The following AGAP1 variants were observed in gnomAD, a reference collection of about 807,000 sequenced individuals.
AGAP1 encodes the protein arf-GAP with GTPase, ANK repeat and PH domain-containing protein 1.
In AGAP1, 29 loss-of-function variants were observed where a neutral mutation model predicts 105.3. The ratio of observed to expected loss-of-function variants is 0.28; its 90% CI spans 0.21 to 0.38. The LOEUF (loss-of-function observed/expected upper bound fraction) is 0.38. Ranked by LOEUF, AGAP1 falls within the 10% of genes least tolerant of loss-of-function variation. The pLI is 1.00. For synonymous variants in AGAP1, 509 were observed against 485.9 expected, an observed-to-expected ratio of 1.05 and a Z score of -0.63; for missense variants, 998 against 1,165.1, an observed-to-expected ratio of 0.86 and a Z score of 2.09.
chr2:235,557,021 C>T lies in AGAP1; in HGVS notation c.163+62172C>T, dbSNP rs1240286745. ...TCAGGGCTTTCTGGAGGTTGGGGGG[C>T]GGATCCCGAAGGCAGACTTGGCCTT... On this transcript the variant is annotated intron_variant, in intron 1 of 17. Transcript: ENST00000304032. The surrounding 1 kb of genome is among the most constrained non-coding windows in gnomAD (Gnocchi z 4.7). 2.0e-5 allele frequency among the ~76,000 whole-genome samples: 3 copies of T among 152,116 alleles called. No individual in the cohort carries two copies. Among genetic ancestry groups the T allele is most frequent in the Admixed American group, 6.5e-5 (1 of 15,282 alleles).
In AGAP1 at chr2:235,792,221, A is replaced by G. The variant is rs541987886; in HGVS notation, c.674-5538A>G. 7.9e-5 allele frequency among the ~76,000 whole-genome samples: 12 copies of G among 152,158 alleles called. No homozygotes were observed. Among genetic ancestry groups the G allele is most frequent in the African/African-American group, 2.9e-4 (12 of 41,520 alleles). ...AGTTGTCATCTAATGGTGGCTCTTC[A>G]GTGTCACTGCAATCTATACGCTTTC... On this transcript the variant is annotated intron_variant, in intron 6 of 17. Transcript: ENST00000304032. The surrounding 1 kb of genome is among the most constrained non-coding windows in gnomAD (Gnocchi z 5.3).
At chr2:235,699,069 T>TCCC (rs5839607) in intron 1 of AGAP1, among the ~76,000 whole-genome samples, 14 of 140,392 alleles carry the variant, frequency 1.0e-4, no homozygotes, top group East Asian at 2.1e-4. Flanking sequence ...GCATCAGACA[T>TCCC]CCCCCCCCCC....
At chr2:235,687,899 C>CTTT (rs10670064) in intron 1 of AGAP1, among the ~76,000 whole-genome samples, 1,786 of 89,628 alleles carry the variant, frequency 0.02, 235 homozygotes, top group African/African-American at 0.05. Context: ...CGCTCTCTGA[C>CTTT]TTTTTTTTTT....
chr2:235,661,159 G>A (rs1051266347), intron 1 of AGAP1, among the ~76,000 whole-genome samples: 1 of 152,160 alleles, frequency 6.6e-6, no homozygotes, highest in African/African-American at 2.4e-5. Context: ...AGATGAAGAG[G>A]CTGTGAACAG....
At chr2:235,731,836 ACGCAGG>A (rs1373286892) in intron 3 of AGAP1, among the ~76,000 whole-genome samples, 1 of 152,086 alleles carries the variant, frequency 6.6e-6, no homozygotes, top group Non-Finnish European at 1.5e-5. Flanking sequence ...ACGTCAAAAA[ACGCAGG>A]CTCTAAGGAA....
chr2:235,896,513 A>G (rs1239061249), intron 10 of AGAP1, among the ~76,000 whole-genome samples: 1 of 152,218 alleles, frequency 6.6e-6, no homozygotes, highest in Non-Finnish European at 1.5e-5. Flanking sequence ...CACTCTGGTC[A>G]TGGTACATTT....
rs1031258098 is a variant in AGAP1, at chr2:235,574,748, C to A, written c.163+79899C>A. Among the ~76,000 whole-genome samples the A allele has an allele frequency of 6.6e-6, 1 of 152,020 alleles. No individual in the cohort carries two copies. Among genetic ancestry groups the A allele is most frequent in the Non-Finnish European group, 1.5e-5 (1 of 68,008 alleles). On this transcript the variant is annotated intron_variant, in intron 1 of 17. Coordinates refer to ENST00000304032, the MANE Select transcript of AGAP1 (RefSeq NM_001037131.3). The surrounding 1 kb of genome is among the most constrained non-coding windows in gnomAD (Gnocchi z 5.0). ...ACCAAGTACACCAGGAGGGAATGAACGAGAAAAATAAAAGAAAGAAAATCA... is the reference window on the plus strand; with the variant it reads ...ACCAAGTACACCAGGAGGGAATGAAAGAGAAAAATAAAAGAAAGAAAATCA...
In AGAP1 at chr2:235,612,358, A is replaced by G. The variant is rs1220294400; in HGVS notation, c.164-96821A>G. ...CTCAGATGCCCCTTGGTTGCATTTA[A>G]TGTGTGTGCATAATCAGAGGGCAAG... is the stretch of plus-strand genomic sequence containing the variant. On this transcript the variant is annotated intron_variant, in intron 1 of 17. Transcript: ENST00000304032. This position sits in a 1 kb window ranked among gnomAD's most constrained non-coding sequence, Gnocchi z 4.3. 2.6e-5 allele frequency among the ~76,000 whole-genome samples: 4 copies of G among 152,118 alleles called. No homozygotes were observed. Among genetic ancestry groups the G allele is most frequent in the African/African-American group, 9.7e-5 (4 of 41,434 alleles).
intron 9 of AGAP1, among the ~76,000 whole-genome samples, chr2:235,828,926 G>A (rs1367850490): frequency 1.3e-5 from 2 of 152,342 alleles, no homozygotes; most frequent in East Asian, 1.9e-4. Flanking sequence ...GCTCTCAGAC[G>A]CAGCCTGTCC....
At chr2:235,922,784 T>C (rs2052244579) in intron 11 of AGAP1, among the ~76,000 whole-genome samples, 1 of 152,258 alleles carries the variant, frequency 6.6e-6, no homozygotes, top group South Asian at 2.1e-4. Flanking sequence ...TCAGGCAACA[T>C]ACTGATATTC....
chr2:236,028,373 T>C (rs541855878), intron 13 of AGAP1, among the ~76,000 whole-genome samples: 1 of 152,302 alleles, frequency 6.6e-6, no homozygotes, highest in Non-Finnish European at 1.5e-5. Context: ...TGCCACCTCT[T>C]CTGAGTGGCT....
rs1029678623 is a variant in AGAP1 at position 236,089,539 on chromosome 2, G to A, written c.2115-30653G>A. On this transcript the variant is annotated intron_variant, in intron 16 of 17. Coordinates refer to ENST00000304032, the MANE Select transcript of AGAP1 (RefSeq NM_001037131.3). This position sits in a 1 kb window ranked among gnomAD's most constrained non-coding sequence, Gnocchi z 5.6. ...TTGCCGTTGATGAGACCCAAAGTCT[G>A]GAACGAATCTGGTTCCATATAGAGT... Among the ~76,000 whole-genome samples, 3 of 152,216 alleles carry A rather than the reference G, an allele frequency of 2.0e-5. No homozygotes were observed. Among genetic ancestry groups the A allele is most frequent in the Non-Finnish European group, 4.4e-5 (3 of 68,040 alleles).
intron 1 of AGAP1, among the ~76,000 whole-genome samples, chr2:235,644,466 G>A (rs1947306790): frequency 6.6e-6 from 1 of 152,068 alleles, no homozygotes; most frequent in African/African-American, 2.4e-5. Flanking sequence ...ACAGAGGATC[G>A]CCCCCGTTTA....
Position 236,046,002 on chromosome 2 carries a change from AC to A in AGAP1, c.1892-3055del. ...CATGAATGTCGTCCTTCAGATCTGG[AC>A]CTGACAGCCTGGGAGCTGCTGGGGG... On this transcript the variant is annotated intron_variant, in intron 15 of 17. Transcript: ENST00000304032. This position sits in a 1 kb window ranked among gnomAD's most constrained non-coding sequence, Gnocchi z 5.2. The A allele has an allele frequency of 2.1e-6, 1 of 471,512 alleles. No homozygotes were observed. Among genetic ancestry groups the A allele is most frequent in the South Asian group, 1.5e-5 (1 of 64,548 alleles). 29.2% of individuals were successfully genotyped at this position (471,512 alleles called of 1,614,324 possible).
chr2:236,075,475 G>T (rs958042654), intron 16 of AGAP1, among the ~76,000 whole-genome samples: 1 of 152,168 alleles, frequency 6.6e-6, no homozygotes, highest in Non-Finnish European at 1.5e-5. Context: ...CTTGGACATC[G>T]TAATAGTGAA....
chr2:235,549,595 C>T lies in AGAP1; in HGVS notation c.163+54746C>T, dbSNP rs549637860. ...GCGTGCCTGTGGGCAGCTTTTGTTC[C>T]TTTGGATTACTTTTGTTTCTTTAAA... On this transcript the variant is annotated intron_variant, in intron 1 of 17. Transcript: ENST00000304032. This position sits in a 1 kb window ranked among gnomAD's most constrained non-coding sequence, Gnocchi z 4.2. Among the ~76,000 whole-genome samples the T allele has an allele frequency of 6.6e-6, 1 of 152,250 alleles. No individual in the cohort carries two copies. Among genetic ancestry groups the T allele is most frequent in the Non-Finnish European group, 1.5e-5 (1 of 68,016 alleles).
At chr2:236,019,256 G>A (rs1232573751) in intron 13 of AGAP1, among the ~76,000 whole-genome samples, 1 of 152,168 alleles carries the variant, frequency 6.6e-6, no homozygotes, top group African/African-American at 2.4e-5. Flanking sequence ...CTGGGTGCTG[G>A]GGCAATGGAG....
At chr2:235,567,649 G>A (rs1460412122) in intron 1 of AGAP1, among the ~76,000 whole-genome samples, 1 of 151,964 alleles carries the variant, frequency 6.6e-6, no homozygotes, top group Non-Finnish European at 1.5e-5. Flanking sequence ...CTGTGGGACT[G>A]GTGGACTATT....
chr2:235,950,574 G>A (rs2053690218), intron 12 of AGAP1, among the ~76,000 whole-genome samples: 1 of 151,860 alleles, frequency 6.6e-6, no homozygotes. Context: ...CTCACCCCAG[G>A]GGATGAAGGC....
Sources: gnomAD v4.1 joint callset for allele counts (sites outside exome capture counted in the v4.1 genomes callset) on GRCh38, gnomAD v4.1.1 for gene constraint, Gnocchi (gnomAD v3.1) non-coding constraint, MANE v1.5 for transcripts, NCBI Gene and HGNC (gene_info 2026-07-23, HGNC 2026-07-21) for gene names.